Variants in DEF8 observed in about 807,000 individuals in gnomAD.
The protein encoded by DEF8 is differentially expressed in FDCP 8 homolog, also known as DEF-8.
DEF8 carries 38 observed loss-of-function variants against 59.1 expected under a neutral mutation model. The observed-to-expected ratio is 0.64, with a 90% CI of 0.50 to 0.84. The LOEUF is 0.84. DEF8 is among the 40% of genes least tolerant of loss of function. The probability of loss-of-function intolerance (pLI) is 0.00; values close to 1 mark genes in which losing one functional copy is unlikely to be tolerated. For missense variants in DEF8, 557 were observed against 615.2 expected, an observed-to-expected ratio of 0.91 and a Z score of 1.00; for synonymous variants, 265 against 250.1, an observed-to-expected ratio of 1.06 and a Z score of -0.56.
intron 4 of DEF8, 148 bp downstream of exon 4, chr16:89,955,414 C>A: frequency 1.5e-6 from 1 of 661,822 alleles, no homozygotes; most frequent in Admixed American, 2.6e-5. Context: ...GCTCAGCAGC[C>A]CCCACCTCAG....
chr16:89,959,398 G>T, intron 6 of DEF8: 1 of 1,375,876 alleles, frequency 7.3e-7, no homozygotes, highest in Non-Finnish European at 9.5e-7. Context: ...TGAAGAAAAA[G>T]GGAAAGGACC....
At chr16:89,961,230 A>T in intron 7 of DEF8, 135 bp downstream of exon 7, 1 of 1,197,642 alleles carries the variant, frequency 8.3e-7, no homozygotes, top group East Asian at 2.5e-5. Flanking sequence ...ATCTTTAGGA[A>T]GTGACAAGGG....
chr16:89,958,807 G>T (rs1365144991), intron 5 of DEF8, among the ~76,000 whole-genome samples: 2 of 152,218 alleles, frequency 1.3e-5, no homozygotes, highest in African/African-American at 4.8e-5. Flanking sequence ...AAGGGATGCT[G>T]GGAAAGGTAG....
chr16:89,963,508 C>T, intron 10 of DEF8, 65 bp downstream of exon 10: 1 of 1,459,792 alleles, frequency 6.9e-7, no homozygotes, highest in Admixed American at 1.8e-5. Flanking sequence ...GCACCTCAGG[C>T]TCAGGTTTTT....
chr16:89,951,209 G>T (rs1040829739), intron 2 of DEF8, among the ~76,000 whole-genome samples: 1 of 152,142 alleles, frequency 6.6e-6, no homozygotes, highest in South Asian at 2.1e-4. Flanking sequence ...CAAGCTGGAC[G>T]TGTCTGTCTT....
chr16:89,959,446 C>T (rs2033725256), intron 6 of DEF8: 3 of 970,376 alleles, frequency 3.1e-6, no homozygotes, highest in Non-Finnish European at 4.3e-6. Flanking sequence ...GACTTTAGGG[C>T]AGAATGTAAA....
At position 89,967,531 on chromosome 16, in the gene DEF8, A is replaced by G; in HGVS notation, c.*1568A>G. 2.5e-6 allele frequency: 1 copy of G among 398,620 alleles called. No individual in the cohort carries two copies. Among genetic ancestry groups the G allele is most frequent in the Non-Finnish European group, 4.4e-6 (1 of 226,068 alleles). The allele number at this position is 398,620 out of a possible 1,614,324, so 24.7% of individuals were successfully genotyped here. On this transcript the variant is annotated 3_prime_UTR_variant, in exon 13 of 13. Transcript: ENST00000563594. Reference sequence around the variant, plus strand: ...ACCTACCTCAGGTGGAACGGTGAGCAGGGAACATGTCGGAGTCCTTCAGAG... The same window carrying G: ...ACCTACCTCAGGTGGAACGGTGAGCGGGGAACATGTCGGAGTCCTTCAGAG...
intron 6 of DEF8, among the ~76,000 whole-genome samples, chr16:89,960,473 C>T (rs968760885): frequency 4.1e-4 from 62 of 152,136 alleles, no homozygotes; most frequent in African/African-American, 1.4e-3. Context: ...TGCACGACTA[C>T]ACTCCAGCCT....
At chr16:89,959,242 C>T in intron 6 of DEF8, 87 bp downstream of exon 6, 1 of 1,586,888 alleles carries the variant, frequency 6.3e-7, no homozygotes, top group Non-Finnish European at 8.6e-7. Flanking sequence ...GTGAGCTATC[C>T]AGTGTGGTGG....
At chr16:89,964,130 C>T in intron 10 of DEF8, 40 bp from the exon 11 acceptor site, 1 of 1,613,888 alleles carries the variant, frequency 6.2e-7, no homozygotes, top group Non-Finnish European at 8.5e-7. Flanking sequence ...GGGAGGGGCC[C>T]TCCCCGGTGC....
In DEF8 at chr16:89,960,822, T is replaced by A. The variant is rs560381938; in HGVS notation, c.515-109T>A. 4.3e-6 allele frequency: 5 copies of A among 1,152,274 alleles called. No individual in the cohort carries two copies. In the South Asian group the frequency reaches 7.1e-5, roughly 16 times the overall value. 71.4% of individuals were successfully genotyped at this position (1,152,274 alleles called of 1,614,324 possible). ...TTGGTGCCAGGAGGTCTTAGATTGA[T>A]CTGGGCCTCAGAGTGGAACCCACGG... On this transcript the variant is annotated intron_variant, in intron 6 of 12. Coordinates refer to ENST00000563594, the MANE Select transcript of DEF8 (RefSeq NM_001242818.2).
chr16:89,962,605 G>A (rs549192467), intron 9 of DEF8, among the ~76,000 whole-genome samples: 4 of 152,256 alleles, frequency 2.6e-5, no homozygotes, highest in South Asian at 4.1e-4. Flanking sequence ...GCTGTGAGCC[G>A]AGATCGCGTC....
At chr16:89,949,242 C>G (rs1012965799) in intron 1 of DEF8, among the ~76,000 whole-genome samples, 175 bp from the exon 2 acceptor site, 1 of 151,932 alleles carries the variant, frequency 6.6e-6, no homozygotes, top group African/African-American at 2.4e-5. Context: ...ACCCGGGCGG[C>G]TCAGGGGACC....
chr16:89,963,743 C>T (rs1282911567), intron 10 of DEF8: 2 of 515,020 alleles, frequency 3.9e-6, no homozygotes, highest in Admixed American at 3.2e-5. Flanking sequence ...ATTATGTGCT[C>T]AACAGATACA....
At chr16:89,962,611 G>T (rs567100133) in intron 9 of DEF8, among the ~76,000 whole-genome samples, 1 of 152,114 alleles carries the variant, frequency 6.6e-6, no homozygotes, top group Admixed American at 6.5e-5. Flanking sequence ...AGCCGAGATC[G>T]CGTCACTGCA....
At position 89,951,217 on chromosome 16, in the gene DEF8, C is replaced by A. The variant is rs1348282671; in HGVS notation, c.-11+1704C>A. On this transcript the variant is annotated intron_variant, in intron 2 of 12. Transcript: ENST00000563594. ...TGGGATTCAAGCTGGACGTGTCTGT[C>A]TTGTTACCATGAAACTATTGGGATC... Among the ~76,000 whole-genome samples the A allele has an allele frequency of 2.0e-5, 3 of 151,830 alleles. No individual in the cohort carries two copies. In the East Asian group the frequency reaches 5.8e-4, roughly 29 times the overall value.
chr16:89,962,353 A>G (rs1046086291), intron 9 of DEF8, among the ~76,000 whole-genome samples: 2 of 152,216 alleles, frequency 1.3e-5, no homozygotes, highest in Non-Finnish European at 2.9e-5. Context: ...AAATTTTGTA[A>G]TAGCCACGTT....
chr16:89,963,075 C>T (rs751361356), intron 9 of DEF8, among the ~76,000 whole-genome samples: 8 of 152,236 alleles, frequency 5.3e-5, no homozygotes, highest in Non-Finnish European at 1.0e-4. Flanking sequence ...GGGATTTCTC[C>T]GGAAGTTTGG....
rs2034282760 is a variant in DEF8, at chr16:89,963,416, G to A, written c.975G>A (p.Glu325=). ...LMKPYFITCR[E]AMEARLLLQL... ...AGCCGTACTTCATCACCTGCAGGGA[G>A]GCCATGGAGGCTCGTCTGCTGCTGC... The change falls in exon 10 of 13, where the codon GAG becomes GAA. Residue 325 remains glutamate (E), a synonymous_variant. Transcript: ENST00000563594. 3 of 1,613,876 alleles carry A rather than the reference G, an allele frequency of 1.9e-6. No individual in the cohort carries two copies. The highest frequency in any genetic ancestry group is 2.5e-6 in the Non-Finnish European group (3 of 1,179,878).
Sources: gnomAD v4.1 joint callset for allele counts (sites outside exome capture counted in the v4.1 genomes callset) on GRCh38, gnomAD v4.1.1 for gene constraint, MANE v1.5 for transcripts, NCBI Gene and HGNC (gene_info 2026-07-23, HGNC 2026-07-21) for gene names.